Variants in PTPN9 observed in about 807,000 individuals in gnomAD.
The protein encoded by PTPN9 is protein tyrosine phosphatase non-receptor type 9, also known as tyrosine-protein phosphatase non-receptor type 9.
Under a neutral mutation model 69.8 loss-of-function variants are expected in PTPN9, and 26 were observed. The ratio of observed to expected loss-of-function variants is 0.37; its 90% CI spans 0.27 to 0.52. The LOEUF (loss-of-function observed/expected upper bound fraction) is 0.52. Ranked by LOEUF, PTPN9 falls within the 20% of genes least tolerant of loss-of-function variation. The probability of loss-of-function intolerance (pLI) is 0.91; values close to 1 mark genes in which losing one functional copy is unlikely to be tolerated. For synonymous variants in PTPN9, 274 were observed against 272.5 expected, an observed-to-expected ratio of 1.01 and a Z score of -0.05; for missense variants, 549 against 740.3, an observed-to-expected ratio of 0.74 and a Z score of 3.00.
In PTPN9 at chr15:75,482,761, C is replaced by T. The variant is rs555415268; in HGVS notation, c.1063-2847G>A. 6.0e-3 allele frequency among the ~76,000 whole-genome samples: 903 copies of T among 149,728 alleles called. 11 individuals are homozygous for T. Among genetic ancestry groups the T allele is most frequent in the African/African-American group, 0.021 (835 of 40,616 alleles). On this transcript the variant is annotated intron_variant, in intron 8 of 12. Coordinates refer to ENST00000618819, the MANE Select transcript of PTPN9 (RefSeq NM_002833.4). ...CAAATCCCCCTCTGTGAGAAACACC[C>T]AAGAATTATCAATAAAAAAATAAAT...
chr15:75,503,264 TGTGG>T (rs2074784887), intron 7 of PTPN9, among the ~76,000 whole-genome samples: 1 of 141,376 alleles, frequency 7.1e-6, no homozygotes, highest in Admixed American at 6.9e-5. Flanking sequence ...TCGTCTGAGA[TGTGG>T]GGAGCGCCTC....
rs528027206 is a variant in PTPN9 at position 75,518,160 on chromosome 15, C to A, written c.423-796G>T. 4.6e-5 allele frequency among the ~76,000 whole-genome samples: 7 copies of A among 152,040 alleles called. No homozygotes were observed. In the South Asian group the frequency reaches 1.5e-3, roughly 32 times the overall value. ...GCTAAGGATGGTGGATAGCTTAAGC[C>A]CAGGAATTTGAGACCAGGCTGGGCA... On this transcript the variant is annotated intron_variant, in intron 4 of 12. Coordinates refer to ENST00000618819, the MANE Select transcript of PTPN9 (RefSeq NM_002833.4).
chr15:75,524,261 G>A lies in PTPN9; in HGVS notation c.245C>T (p.Pro82Leu), dbSNP rs778660352. The change falls in exon 3 of 13, where the codon CCT becomes CTT. Residue 82 changes from proline to leucine, a missense_variant. Pro to Leu is a moderately conservative substitution (Grantham distance 98). Around this residue, in one of 3 missense-constraint regions of PTPN9, gnomAD observed 457 missense variants for 661.9 expected, o/e 0.69. Coordinates refer to ENST00000618819, the MANE Select transcript of PTPN9 (RefSeq NM_002833.4). Reference sequence around the variant, plus strand: ...CTCAGAACGAAGAGGTTCCTCATGAGGTTTCAGCTTTACAATGCCTTCCTT... The same window carrying A: ...CTCAGAACGAAGAGGTTCCTCATGAAGTTTCAGCTTTACAATGCCTTCCTT... ...RRKEGIVKLK[P>L]HEEPLRSEIL... 3.7e-6 allele frequency: 6 copies of A among 1,612,822 alleles called. No individual in the cohort carries two copies. Among genetic ancestry groups the A allele is most frequent in the Non-Finnish European group, 5.1e-6 (6 of 1,179,110 alleles).
At chr15:75,547,452 C>T (rs1595967171) in intron 1 of PTPN9, among the ~76,000 whole-genome samples, 1 of 151,888 alleles carries the variant, frequency 6.6e-6, no homozygotes, top group Admixed American at 6.6e-5. Context: ...CATAAATTAG[C>T]CAGGCGTGGT....
chr15:75,552,095 A>G (rs1363953567), intron 1 of PTPN9, among the ~76,000 whole-genome samples: 3 of 151,912 alleles, frequency 2.0e-5, no homozygotes, highest in Non-Finnish European at 4.4e-5. Flanking sequence ...TGACTTAACA[A>G]TGGTACAAAA....
chr15:75,518,495 A>C (rs1019689118), intron 4 of PTPN9, among the ~76,000 whole-genome samples: 1 of 151,564 alleles, frequency 6.6e-6, no homozygotes, highest in Non-Finnish European at 1.5e-5. Context: ...AGGGAAAAGA[A>C]AGAAAAAAAA....
At chr15:75,539,162 T>A (rs1226154232) in intron 1 of PTPN9, among the ~76,000 whole-genome samples, 2 of 152,158 alleles carry the variant, frequency 1.3e-5, no homozygotes, top group African/African-American at 4.8e-5. Context: ...TTGGCCAGGA[T>A]GGTCTTGATC....
intron 1 of PTPN9, among the ~76,000 whole-genome samples, chr15:75,558,684 A>G (rs2075088459): frequency 1.3e-5 from 2 of 152,192 alleles, no homozygotes; most frequent in Non-Finnish European, 2.9e-5. Context: ...GCGCGCCGCC[A>G]CACCTGACTG....
At chr15:75,471,122 T>C (rs1172438412) in intron 10 of PTPN9, among the ~76,000 whole-genome samples, 1 of 152,198 alleles carries the variant, frequency 6.6e-6, no homozygotes, top group East Asian at 1.9e-4. Flanking sequence ...GTGGGATAAA[T>C]ACTGGGTGAA....
chr15:75,496,757 T>C (rs995972477), intron 7 of PTPN9, among the ~76,000 whole-genome samples: 1 of 152,108 alleles, frequency 6.6e-6, no homozygotes, highest in Non-Finnish European at 1.5e-5. Context: ...TCTACCCACC[T>C]CAGCCTCCCA....
chr15:75,484,800 G>A (rs757612531), intron 8 of PTPN9, among the ~76,000 whole-genome samples: 1 of 152,100 alleles, frequency 6.6e-6, no homozygotes, highest in African/African-American at 2.4e-5. Flanking sequence ...CCTATCACTC[G>A]TTCTCCTGTG....
intron 4 of PTPN9, among the ~76,000 whole-genome samples, chr15:75,522,208 G>C (rs1297265280): frequency 6.6e-6 from 1 of 152,182 alleles, no homozygotes; most frequent in African/African-American, 2.4e-5. Flanking sequence ...CTTGGGGCTT[G>C]AGTTTAATTG....
chr15:75,521,471 A>T (rs1329114866), intron 4 of PTPN9, among the ~76,000 whole-genome samples: 1 of 151,934 alleles, frequency 6.6e-6, no homozygotes, highest in Non-Finnish European at 1.5e-5. Context: ...AAAAAATAAA[A>T]AAAATATTTT....
intron 10 of PTPN9, among the ~76,000 whole-genome samples, chr15:75,472,721 G>C (rs1424950693): frequency 2.0e-5 from 3 of 148,042 alleles, no homozygotes; most frequent in Non-Finnish European, 3.0e-5. Flanking sequence ...AAGGGTTGCG[G>C]TGAACTGAGA....
At chr15:75,565,373 A>C (rs901318669) in intron 1 of PTPN9, among the ~76,000 whole-genome samples, 1 of 152,150 alleles carries the variant, frequency 6.6e-6, no homozygotes, top group Non-Finnish European at 1.5e-5. Context: ...TAAAGTGAAA[A>C]CTTCAAACTG....
chr15:75,548,198 T>C (rs894818290), intron 1 of PTPN9, among the ~76,000 whole-genome samples: 3 of 152,092 alleles, frequency 2.0e-5, no homozygotes, highest in Non-Finnish European at 2.9e-5. Context: ...ATAACCACTG[T>C]ATTACAGTGC....
At chr15:75,500,896 T>A (rs945994052) in intron 7 of PTPN9, among the ~76,000 whole-genome samples, 23 of 151,328 alleles carry the variant, frequency 1.5e-4, no homozygotes, top group Admixed American at 5.3e-4. Flanking sequence ...CTAAAAAAAA[T>A]AATAATAATA....
At chr15:75,539,015 TAAA>T (rs1567511922) in intron 1 of PTPN9, among the ~76,000 whole-genome samples, 1 of 149,728 alleles carries the variant, frequency 6.7e-6, no homozygotes, top group South Asian at 2.1e-4. Flanking sequence ...ATAAAAAAAA[TAAA>T]AAAGAAAGAA....
intron 4 of PTPN9, 50 bp from the exon 5 acceptor site, chr15:75,517,414 A>T: frequency 6.7e-7 from 1 of 1,499,800 alleles, no homozygotes. Flanking sequence ...CAGATGGATG[A>T]GGCAGGTTGA....
Sources: allele counts gnomAD v4.1 joint callset (sites outside exome capture counted in the v4.1 genomes callset), GRCh38; gene constraint gnomAD v4.1.1; regional missense constraint gnomAD v4.1.1; transcripts MANE v1.5; gene names NCBI Gene and HGNC (gene_info 2026-07-23, HGNC 2026-07-21).